MPP1: variants seen among roughly 807,000 people sequenced by gnomAD.
MPP1 encodes the protein 55 kDa erythrocyte membrane protein.
Under a neutral mutation model 38.2 loss-of-function variants are expected in MPP1, and 6 were observed. The observed-to-expected ratio is 0.16, with a 90% CI of 0.09 to 0.31. MPP1 has a LOEUF of 0.31. MPP1 is among the 10% of genes least tolerant of loss of function. The pLI is 1.00. For synonymous variants in MPP1, 153 were observed against 146.3 expected, an observed-to-expected ratio of 1.05 and a Z score of -0.33; for missense variants, 293 against 368.9, an observed-to-expected ratio of 0.79 and a Z score of 1.69.
rs150870475 is a variant in MPP1 at position 154,805,337 on chromosome X, T to C, written c.37A>G (p.Ser13Gly). ...AGGTCGGAGAGCGCCGTGTGCATGC[T>C]GCCCCCACTCTCGCCCTCGCTCGCC... ...LKASEGESGG[S>G]MHTALSDLYL... Residue 13 changes from serine (S) to glycine (G), a missense_variant, in exon 1 of 12, where the codon AGC becomes GGC. Coordinates refer to ENST00000369534, the MANE Select transcript of MPP1 (RefSeq NM_002436.4). 252 of 1,205,796 alleles carry C rather than the reference T, an allele frequency of 2.1e-4. 5 individuals carry two copies. In the African/African-American group the frequency reaches 3.6e-3, roughly 17 times the overall value.
intron 9 of MPP1, 69 bp from the exon 10 acceptor site, chrX:154,781,871 G>A (rs1434226925): frequency 9.6e-7 from 1 of 1,046,508 alleles, no homozygotes; most frequent in East Asian, 3.0e-5. Context: ...TTGGACCATG[G>A]TGTCTGTATG....
intron 5 of MPP1, among the ~76,000 whole-genome samples, chrX:154,789,046 GGGCGGC>G (rs1569558893): frequency 9.0e-5 from 10 of 111,669 alleles, no homozygotes; most frequent in African/African-American, 3.3e-4. Context: ...CATGGTGAGG[GGGCGGC>G]GGTCTTAGGC....
Position 154,789,740 on chromosome X carries a change from C to T in MPP1, c.480+214G>A, listed in dbSNP as rs1158662281. The stretch of plus-strand genomic sequence containing the variant: ...AGGCTCATTCATTCTCTACTCCTGT[C>T]GTCACTATGTTCTCCATTGAGGAAA... On this transcript the variant is annotated intron_variant, in intron 5 of 11. Coordinates refer to ENST00000369534, the MANE Select transcript of MPP1 (RefSeq NM_002436.4). Among the ~76,000 whole-genome samples, 4 of 111,120 alleles carry T rather than the reference C, an allele frequency of 3.6e-5. No individual in the cohort carries two copies. The Admixed American group carries it at 3.9e-4, about 11-fold the overall frequency.
chrX:154,790,000 G>A lies in MPP1; in HGVS notation c.434C>T (p.Ser145Leu), dbSNP rs1207882398. ...KAMKETKGMI[S>L]LKVIPNQQSR... Reference sequence around the variant, plus strand: ...TTGCTGGTTGGGAATTACTTTTAATGAGATCATTCCTTTGGTTTCTTTCTA... The same window carrying A: ...TTGCTGGTTGGGAATTACTTTTAATAAGATCATTCCTTTGGTTTCTTTCTA... The change falls in exon 5 of 12, where the codon TCA (serine) becomes TTA (leucine). Residue 145 changes from serine (S) to leucine (L), a missense_variant. Ser to Leu is a moderately radical substitution (Grantham distance 145, BLOSUM62 -2). Transcript: ENST00000369534. 34 of 1,194,067 alleles carry A rather than the reference G, an allele frequency of 2.8e-5. No individual in the cohort carries two copies. The highest frequency in any genetic ancestry group is 3.7e-5 in the Non-Finnish European group (33 of 882,993).
chrX:154,786,756 T>C (rs1257887631), intron 5 of MPP1, among the ~76,000 whole-genome samples: 1 of 108,074 alleles, frequency 9.3e-6, no homozygotes, highest in African/African-American at 3.4e-5. Context: ...ATTAGCTGGG[T>C]GTGGTGGCGT....
Position 154,779,041 on chromosome X carries a change from G to T in MPP1, c.*136C>A. Reference sequence around the variant, plus strand: ...TGAGCAAGAAGACTGAACCTTACTGGCTGAATTAGGATAGCTGCAGAGAGC... The same window carrying T: ...TGAGCAAGAAGACTGAACCTTACTGTCTGAATTAGGATAGCTGCAGAGAGC... On this transcript the variant is annotated 3_prime_UTR_variant, in exon 12 of 12. Transcript: ENST00000369534. 1.7e-6 allele frequency: 1 copy of T among 600,488 alleles called. No individual in the cohort carries two copies. Among genetic ancestry groups the T allele is most frequent in the South Asian group, 3.8e-5 (1 of 26,558 alleles). 49.5% of individuals were successfully genotyped at this position (600,488 alleles called of 1,213,427 possible).
At chrX:154,791,917 AC>A in intron 2 of MPP1, 70 bp from the exon 3 acceptor site, 1 of 1,066,203 alleles carries the variant, frequency 9.4e-7, no homozygotes, top group East Asian at 3.0e-5. Flanking sequence ...GAAAGAACTT[AC>A]GGTAATTTCT....
At chrX:154,779,719 GTTGTT>G (rs1241163791) in intron 11 of MPP1, among the ~76,000 whole-genome samples, 14 of 112,298 alleles carry the variant, frequency 1.2e-4, no homozygotes, top group African/African-American at 2.6e-4. Context: ...AGGTGATTTT[GTTGTT>G]TTGTTTTGTT....
intron 1 of MPP1, chrX:154,799,808 G>C: frequency 8.6e-7 from 1 of 1,166,327 alleles, no homozygotes; most frequent in Admixed American, 2.6e-5. Flanking sequence ...AAGTGCTGGA[G>C]TGGCAATGCC....
intron 1 of MPP1, among the ~76,000 whole-genome samples, chrX:154,800,349 T>C (rs1557268570): frequency 8.9e-6 from 1 of 112,244 alleles, no homozygotes. Flanking sequence ...AATCATACAT[T>C]AACCAGGTGC....
intron 1 of MPP1, among the ~76,000 whole-genome samples, chrX:154,796,837 A>G (rs1557268192): frequency 9.0e-6 from 1 of 111,573 alleles, no homozygotes; most frequent in Non-Finnish European, 1.9e-5. Flanking sequence ...GTGGGGAGTC[A>G]AGAAGTAGGA....
intron 1 of MPP1, among the ~76,000 whole-genome samples, chrX:154,798,194 T>C (rs1482174178): frequency 2.4e-4 from 27 of 112,234 alleles, no homozygotes; most frequent in Non-Finnish European, 1.5e-4. Flanking sequence ...TGATATGGCT[T>C]CCATAGAAAA....
chrX:154,791,507 A>G (rs782114480), intron 3 of MPP1: 1 of 349,098 alleles, frequency 2.9e-6, no homozygotes, highest in East Asian at 4.3e-5. Context: ...TTGCTCAAAT[A>G]TTAACTTACT....
At chrX:154,786,980 C>T (rs981413084) in intron 5 of MPP1, among the ~76,000 whole-genome samples, 2 of 106,751 alleles carry the variant, frequency 1.9e-5, no homozygotes, top group African/African-American at 3.4e-5. Context: ...GGATCTGGGT[C>T]GTCTGTCTCA....
chrX:154,785,261 C>T (rs1041731967), intron 6 of MPP1, 104 bp from the exon 7 acceptor site: 1 of 569,057 alleles, frequency 1.8e-6, no homozygotes, highest in Non-Finnish European at 2.7e-6. Context: ...TCTGAGTGTC[C>T]ATTACAGTGG....
rs1453664688 is a variant in MPP1 at position 154,787,404 on chromosome X, TAAG to T, written c.481-1007_481-1005del. On this transcript the variant is annotated intron_variant, in intron 5 of 11. Coordinates refer to ENST00000369534, the MANE Select transcript of MPP1 (RefSeq NM_002436.4). ...CCAAACAGGATCTAGTTCAGCAATA[TAAG>T]AAGGTTTACTACCTGAAGGGCAATA... is the stretch of plus-strand genomic sequence containing the variant. 9.0e-5 allele frequency among the ~76,000 whole-genome samples: 10 copies of T among 111,247 alleles called. 1 individual carries two copies. Among genetic ancestry groups the T allele is most frequent in the Admixed American group, 8.6e-4 (9 of 10,451 alleles).
chrX:154,791,897 G>A (rs2072145903), intron 2 of MPP1, 50 bp from the exon 3 acceptor site: 1 of 1,106,957 alleles, frequency 9.0e-7, no homozygotes, highest in Non-Finnish European at 1.2e-6. Flanking sequence ...CTCTTTCTGA[G>A]GTTATTTTAG....
chrX:154,783,564 T>TA, intron 8 of MPP1, 57 bp from the exon 9 acceptor site: 2 of 1,034,705 alleles, frequency 1.9e-6, no homozygotes. Context: ...GAGGATAAGA[T>TA]ACGGATTTTC....
intron 1 of MPP1, among the ~76,000 whole-genome samples, chrX:154,793,884 T>C (rs2072168631): frequency 8.9e-6 from 1 of 112,148 alleles, no homozygotes; most frequent in Admixed American, 9.5e-5. Flanking sequence ...GGTCCCAGAA[T>C]CCAATCTAAG....
Sources: allele counts gnomAD v4.1 joint callset (sites outside exome capture counted in the v4.1 genomes callset), GRCh38; gene constraint gnomAD v4.1.1; transcripts MANE v1.5; gene names NCBI Gene and HGNC (gene_info 2026-07-23, HGNC 2026-07-21).